The following UGT1A8 variants were observed in gnomAD, a reference collection of about 807,000 sequenced individuals.
The protein encoded by UGT1A8 is UDP glucuronosyltransferase family 1 member A8.
Under a neutral mutation model 45.3 loss-of-function variants are expected in UGT1A8, and 39 were observed. The observed-to-expected ratio is 0.86, with a 90% CI of 0.67 to 1.12. UGT1A8 has a LOEUF of 1.12. Among genes scored for constraint, UGT1A8 ranks in the 50% most tolerant of loss-of-function variants. The pLI is 0.00. For synonymous variants in UGT1A8, 275 were observed against 249.2 expected, an observed-to-expected ratio of 1.10 and a Z score of -0.97; for missense variants, 719 against 664.9, an observed-to-expected ratio of 1.08 and a Z score of -0.90.
intron 1 of UGT1A8, chr2:233,761,147 C>T (rs1264463667): frequency 1.4e-5 from 23 of 1,614,204 alleles, no homozygotes; most frequent in Non-Finnish European, 1.8e-5. Context: ...AATCCACTAT[C>T]CCAGGTGTGT....
intron 1 of UGT1A8, among the ~76,000 whole-genome samples, chr2:233,689,708 T>C (rs1575441834): frequency 6.6e-6 from 1 of 152,206 alleles, no homozygotes; most frequent in Non-Finnish European, 1.5e-5. Context: ...TTTCCCCTTA[T>C]CTGAGGTCTG....
intron 1 of UGT1A8, among the ~76,000 whole-genome samples, chr2:233,744,769 C>T (rs1692917146): frequency 6.6e-6 from 1 of 151,856 alleles, no homozygotes; most frequent in Non-Finnish European, 1.5e-5. Flanking sequence ...TTTAACTTTG[C>T]AAAATTCTCC....
intron 4 of UGT1A8, 76 bp from the exon 5 acceptor site, chr2:233,772,186 A>G (rs1281313129): frequency 2.5e-6 from 4 of 1,593,838 alleles, no homozygotes; most frequent in Non-Finnish European, 2.6e-6. Flanking sequence ...AGTCTTCTTA[A>G]GCAGCCATGA....
At chr2:233,733,101 G>T (rs1559378148) in intron 1 of UGT1A8, among the ~76,000 whole-genome samples, 1 of 151,784 alleles carries the variant, frequency 6.6e-6, no homozygotes, top group Non-Finnish European at 1.5e-5. Flanking sequence ...TCATGGTTTG[G>T]CTCTGTTTGT....
At chr2:233,689,817 ATCTCTGGAC>A (rs1446370828) in intron 1 of UGT1A8, 3 of 442,198 alleles carry the variant, frequency 6.8e-6, no homozygotes, top group Non-Finnish European at 1.3e-5. Context: ...GAAACCAAAC[ATCTCTGGAC>A]TCTAACTTTC....
chr2:233,770,479 C>T (rs545055885), intron 4 of UGT1A8: 1 of 152,002 alleles, frequency 6.6e-6, no homozygotes, highest in Admixed American at 6.5e-5. Flanking sequence ...CATGAAGAAA[C>T]CTTATCTCTA....
At position 233,767,932 on chromosome 2, in the gene UGT1A8, G is replaced by C. The variant is rs754018098; in HGVS notation, c.1071G>C (p.Leu357=). The change falls in exon 3 of 5, where the codon CTG becomes CTC. Residue 357 remains leucine (L), a synonymous_variant. Coordinates refer to ENST00000373450, the MANE Select transcript of UGT1A8 (RefSeq NM_019076.5). ...TTAAGTGGCTACCCCAAAACGATCT[G>C]CTTGGTATGTTGGGCGGATTGGATG... ...ILVKWLPQND[L]LGHPMTRAFI... 3 of 1,614,064 alleles carry C rather than the reference G, an allele frequency of 1.9e-6. No individual in the cohort carries two copies. Among genetic ancestry groups the C allele is most frequent in the African/African-American group, 2.7e-5 (2 of 74,926 alleles).
chr2:233,737,458 C>G (rs1404187897), intron 1 of UGT1A8, among the ~76,000 whole-genome samples: 1 of 152,216 alleles, frequency 6.6e-6, no homozygotes, highest in Non-Finnish European at 1.5e-5. Context: ...CAGGTACAGT[C>G]TGTCATGGCT....
intron 1 of UGT1A8, chr2:233,713,364 C>CT: frequency 6.2e-7 from 1 of 1,614,158 alleles, no homozygotes; most frequent in South Asian, 1.1e-5. Context: ...TTTGATCATA[C>CT]ATAGGTCTTG....
At position 233,618,043 on chromosome 2, in the gene UGT1A8, A is replaced by C. The variant is rs1284483361; in HGVS notation, c.336A>C (p.Ser112=). 2 of 1,614,092 alleles carry C rather than the reference A, an allele frequency of 1.2e-6. No individual in the cohort carries two copies. Among genetic ancestry groups the C allele is most frequent in the Admixed American group, 3.3e-5 (2 of 59,990 alleles). Reference sequence around the variant, plus strand: ...GTTTGTTTTCTCTATTTCTGAGTTCATCCAATGGTTTTTTTAACTTATTTT... The same window carrying C: ...GTTTGTTTTCTCTATTTCTGAGTTCCTCCAATGGTTTTTTTAACTTATTTT... The part of the protein sequence containing the change: ...VRSLFSLFLS[S]SNGFFNLFFS... The change falls in exon 1 of 5, where the codon TCA becomes TCC. Residue 112 remains serine (S), a synonymous_variant. Coordinates refer to ENST00000373450, the MANE Select transcript of UGT1A8 (RefSeq NM_019076.5).
intron 1 of UGT1A8, among the ~76,000 whole-genome samples, chr2:233,629,067 C>T (rs555505931): frequency 1.3e-5 from 2 of 152,184 alleles, no homozygotes; most frequent in Admixed American, 6.6e-5. Context: ...CTCTAGAACT[C>T]GCTTCATCTT....
chr2:233,753,502 C>A (rs1316574897), intron 1 of UGT1A8: 1 of 152,214 alleles, frequency 6.6e-6, no homozygotes, highest in East Asian at 1.9e-4. Context: ...TTTTTTCAGC[C>A]TGTCTAGTTG....
At chr2:233,637,375 A>T (rs761082067) in intron 1 of UGT1A8, 11 of 1,611,930 alleles carry the variant, frequency 6.8e-6, no homozygotes, top group Non-Finnish European at 9.3e-6. Context: ...GCCATTGCCT[A>T]TGGTAAGTCA....
intron 1 of UGT1A8, among the ~76,000 whole-genome samples, chr2:233,696,404 G>C (rs1446347115): frequency 4.6e-5 from 7 of 152,118 alleles, no homozygotes; most frequent in Non-Finnish European, 8.8e-5. Flanking sequence ...TTGTAAATGG[G>C]GTTGATTTCC....
intron 1 of UGT1A8, among the ~76,000 whole-genome samples, chr2:233,626,012 G>A (rs1283547924): frequency 1.3e-5 from 2 of 152,194 alleles, no homozygotes; most frequent in East Asian, 1.9e-4. Context: ...GGCTGTGGAG[G>A]AGGAGGAGTA....
chr2:233,662,790 T>C (rs1479147136), intron 1 of UGT1A8, among the ~76,000 whole-genome samples: 1 of 150,766 alleles, frequency 6.6e-6, no homozygotes, highest in East Asian at 1.9e-4. Context: ...CTTTGGAAAC[T>C]TCTCTTCTTT....
At position 233,691,024 on chromosome 2, in the gene UGT1A8, G is replaced by C; in HGVS notation, c.855+72462G>C. The C allele has an allele frequency of 7.1e-6, 7 of 991,444 alleles. 1 individual carries two copies. The highest frequency in any genetic ancestry group is 8.4e-6 in the Non-Finnish European group (7 of 834,158). The allele number at this position is 991,444 out of a possible 1,614,324, so 61.4% of individuals were successfully genotyped here. A position where few individuals can be genotyped will look rare whatever the true frequency, so the allele number is the denominator to read the frequency against. On this transcript the variant is annotated intron_variant, in intron 1 of 4. Transcript: ENST00000373450. ...TTCAGAGCAAGGCTGTGGTTGGAAG[G>C]GCTCAGACCAACGTCCACAGCAGAG...
chr2:233,771,755 C>T (rs1253888254), intron 4 of UGT1A8: 1 of 153,306 alleles, frequency 6.5e-6, no homozygotes, highest in South Asian at 2.1e-4. Flanking sequence ...TTTCTCCCTT[C>T]CTTCCTCCGT....
chr2:233,713,431 A>G lies in UGT1A8; in HGVS notation c.856-53603A>G, dbSNP rs1575502820. The G allele has an allele frequency of 2.5e-6, 4 of 1,614,124 alleles. 1 individual carries two copies. Among genetic ancestry groups the G allele is most frequent in the Middle Eastern group, 3.3e-4 (2 of 6,062 alleles). ...AGGCACCTGCATGCTACTTCCTTTG[A>G]TGTGGTTCTAACAGACCCCTTTCAC... On this transcript the variant is annotated intron_variant, in intron 1 of 4. Transcript: ENST00000373450.
Sources: allele counts gnomAD v4.1 joint callset (sites outside exome capture counted in the v4.1 genomes callset), GRCh38; gene constraint gnomAD v4.1.1; transcripts MANE v1.5; gene names NCBI Gene and HGNC (gene_info 2026-07-23, HGNC 2026-07-21).